Variants in VWF observed in about 807,000 individuals in gnomAD.
The protein encoded by VWF is Factor VIII related antigen.
In VWF, 176 loss-of-function variants were observed where a neutral mutation model predicts 308.6. The observed-to-expected ratio is 0.57, with a 90% CI of 0.50 to 0.65. The LOEUF (loss-of-function observed/expected upper bound fraction) is 0.65, where lower values mean the gene tolerates loss of function less well. Among genes scored for constraint, VWF ranks in the 30% least tolerant of loss-of-function variants. The probability of loss-of-function intolerance (pLI) is 0.00; values close to 1 mark genes in which losing one functional copy is unlikely to be tolerated. For missense variants in VWF, 3,146 were observed against 3,648.2 expected, an observed-to-expected ratio of 0.86 and a Z score of 3.55; for synonymous variants, 1,385 against 1,443.4, an observed-to-expected ratio of 0.96 and a Z score of 0.92.
chr12:6,052,485 C>A, intron 16 of VWF, 58 bp downstream of exon 16: 2 of 1,613,418 alleles, frequency 1.2e-6, no homozygotes, highest in Non-Finnish European at 1.7e-6. Context: ...TTGGGGGTCC[C>A]GTTTTCCTCC....
intron 47 of VWF, among the ~76,000 whole-genome samples, chr12:5,966,687 A>G (rs771301945): frequency 6.6e-6 from 1 of 151,978 alleles, no homozygotes; most frequent in Non-Finnish European, 1.5e-5. Context: ...GAGGGAGACA[A>G]GCACTTCCCT....
chr12:6,106,181 G>A (rs1051530844), intron 5 of VWF, among the ~76,000 whole-genome samples: 3 of 152,178 alleles, frequency 2.0e-5, no homozygotes, highest in Admixed American at 1.3e-4. Context: ...AGCAAAGTAC[G>A]TACGGTCTGT....
chr12:6,078,507 G>A (rs887800070), intron 6 of VWF, among the ~76,000 whole-genome samples: 6 of 152,208 alleles, frequency 3.9e-5, no homozygotes, highest in Non-Finnish European at 2.9e-5. Flanking sequence ...GGGTGTCCCA[G>A]AGAGGGTCAT....
intron 42 of VWF, among the ~76,000 whole-genome samples, chr12:5,979,286 T>C (rs1943566561): frequency 6.6e-6 from 1 of 152,188 alleles, no homozygotes; most frequent in African/African-American, 2.4e-5. Context: ...ATAAATGCAA[T>C]CAGTATGATA....
At chr12:5,996,765 A>T (rs918846715) in intron 34 of VWF, among the ~76,000 whole-genome samples, 5 of 151,866 alleles carry the variant, frequency 3.3e-5, no homozygotes, top group African/African-American at 1.2e-4. Flanking sequence ...AAAAAAAAAA[A>T]AAAAAAATGG....
rs1354708988 is a variant in VWF at position 6,046,873 on chromosome 12, TC to T, written c.2187-57del. The T allele has an allele frequency of 1.5e-5, 22 of 1,510,414 alleles. No homozygotes were observed. The highest frequency in any genetic ancestry group is 1.9e-5 in the Non-Finnish European group (21 of 1,096,104). 93.6% of individuals were successfully genotyped at this position (1,510,414 alleles called of 1,614,324 possible). On this transcript the variant is annotated intron_variant, in intron 16 of 51. Coordinates refer to ENST00000261405, the MANE Select transcript of VWF (RefSeq NM_000552.5). This position sits in a 1 kb window ranked among gnomAD's most constrained non-coding sequence, Gnocchi z 5.0. ...ACGAGACTCGTCTATACTCGCTGCC[TC>T]CACATCTTCACCTCCCACTCACTCT...
intron 39 of VWF, 54 bp downstream of exon 39, chr12:5,985,509 C>T: frequency 6.3e-7 from 1 of 1,575,798 alleles, no homozygotes; most frequent in Non-Finnish European, 8.7e-7. Context: ...GCTGGGGGGC[C>T]TTGCAGGGGC....
chr12:6,022,409 C>T (rs1944138914), intron 26 of VWF, among the ~76,000 whole-genome samples: 1 of 152,088 alleles, frequency 6.6e-6, no homozygotes, highest in East Asian at 1.9e-4. Context: ...AAGTAAAATT[C>T]AATAAAATTC....
At chr12:6,028,049 C>G (rs978441186) in intron 22 of VWF, among the ~76,000 whole-genome samples, 1 of 152,206 alleles carries the variant, frequency 6.6e-6, no homozygotes, top group African/African-American at 2.4e-5. Flanking sequence ...TGCTGCCTCA[C>G]TGGCTTGTAC....
rs1220064201 is a variant in VWF at position 6,075,826 on chromosome 12, G to A, written c.658-275C>T. Among the ~76,000 whole-genome samples, 1 of 152,234 alleles carries A rather than the reference G, an allele frequency of 6.6e-6. No individual in the cohort carries two copies. The highest frequency in any genetic ancestry group is 2.4e-5 in the African/African-American group (1 of 41,458). ...GCCCTGGATTGCCATGGTGGGCAGTGTCCTAGGAACGGACAGAGGATGGAG... is the reference window on the plus strand; with the variant it reads ...GCCCTGGATTGCCATGGTGGGCAGTATCCTAGGAACGGACAGAGGATGGAG... On this transcript the variant is annotated intron_variant, in intron 6 of 51. Coordinates refer to ENST00000261405, the MANE Select transcript of VWF (RefSeq NM_000552.5). The surrounding 1 kb of genome is among the most constrained non-coding windows in gnomAD (Gnocchi z 4.7).
intron 5 of VWF, 65 bp downstream of exon 5, chr12:6,110,309 T>A: frequency 6.4e-7 from 1 of 1,556,070 alleles, no homozygotes; most frequent in South Asian, 1.1e-5. Flanking sequence ...TTAGTGAAGG[T>A]TTATGAGCAA....
chr12:5,970,626 G>A (rs992652831), intron 44 of VWF, among the ~76,000 whole-genome samples: 2 of 152,344 alleles, frequency 1.3e-5, no homozygotes, highest in Admixed American at 6.5e-5. Flanking sequence ...TCGGACTAGA[G>A]GGGGAGGTGG....
chr12:6,019,413 C>T lies in VWF; in HGVS notation c.4005G>A (p.Lys1335=). ...CAATGCGCCGCAGCTCTGACGGTCG[C>T]TTCCGGTCCTTGAGCCCGATGTAGG... ...SHAYIGLKDR[K]RPSELRRIAS... The change falls in exon 28 of 52, where the codon AAG becomes AAA. Residue 1335 remains lysine (K), a synonymous_variant. Transcript: ENST00000261405. This position sits in a 1 kb window ranked among gnomAD's most constrained non-coding sequence, Gnocchi z 5.8. The T allele has an allele frequency of 6.2e-7, 1 of 1,613,972 alleles. No individual in the cohort carries two copies. Among genetic ancestry groups the T allele is most frequent in the African/African-American group, 1.3e-5 (1 of 75,058 alleles).
Position 6,041,601 on chromosome 12 carries a change from A to G in VWF, c.2442+2690T>C, listed in dbSNP as rs557939295. ...GTAGCTGGGACTACAGGCGCCCGCC[A>G]CCACGCCCAGCTAATTTTTTGTATT... is the stretch of plus-strand genomic sequence containing the variant. On this transcript the variant is annotated intron_variant, in intron 18 of 51. Coordinates refer to ENST00000261405, the MANE Select transcript of VWF (RefSeq NM_000552.5). Among the ~76,000 whole-genome samples, 32 of 151,828 alleles carry G rather than the reference A, an allele frequency of 2.1e-4. 1 individual carries two copies. The East Asian group carries it at 6.2e-3, about 29-fold the overall frequency.
At position 6,099,883 on chromosome 12, in the gene VWF, T is replaced by C. The variant is rs544007000; in HGVS notation, c.533-4299A>G. 1.1e-3 allele frequency among the ~76,000 whole-genome samples: 171 copies of C among 152,168 alleles called. 1 individual carries two copies. The highest frequency in any genetic ancestry group is 4.1e-3 in the African/African-American group (169 of 41,500). On this transcript the variant is annotated intron_variant, in intron 5 of 51. Coordinates refer to ENST00000261405, the MANE Select transcript of VWF (RefSeq NM_000552.5). ...AAAGCAATGGCAACGAAAGCCAAAA[T>C]TGACAAATGGGATCTAATTAAACTA...
At chr12:6,092,716 A>C (rs543559566) in intron 6 of VWF, among the ~76,000 whole-genome samples, 2 of 148,638 alleles carry the variant, frequency 1.3e-5, no homozygotes, top group Middle Eastern at 3.2e-3. Flanking sequence ...CAACCACGGA[A>C]TGGTTCTGGC....
intron 44 of VWF, 58 bp from the exon 45 acceptor site, chr12:5,969,449 A>G (rs551057084): frequency 1.2e-6 from 2 of 1,604,036 alleles, no homozygotes; most frequent in South Asian, 1.1e-5. Context: ...CCAGGGTCCC[A>G]TTGGGAATGT....
At chr12:6,078,755 C>T (rs1405369548) in intron 6 of VWF, among the ~76,000 whole-genome samples, 1 of 152,042 alleles carries the variant, frequency 6.6e-6, no homozygotes, top group Non-Finnish European at 1.5e-5. Context: ...AAGAAGAGAC[C>T]CAGGAATCCA....
chr12:6,023,498 G>T, intron 25 of VWF, 133 bp downstream of exon 25: 1 of 1,323,086 alleles, frequency 7.6e-7, no homozygotes, highest in Non-Finnish European at 1.1e-6. Flanking sequence ...CTTAGCCCTT[G>T]GCCATCCAGT....
Sources: gnomAD v4.1 joint callset for allele counts (sites outside exome capture counted in the v4.1 genomes callset) on GRCh38, gnomAD v4.1.1 for gene constraint, Gnocchi (gnomAD v3.1) non-coding constraint, MANE v1.5 for transcripts, NCBI Gene and HGNC (gene_info 2026-07-23, HGNC 2026-07-21) for gene names.